CCDC88A: variants seen among roughly 807,000 people sequenced by gnomAD.
CCDC88A encodes the protein girdin.
CCDC88A carries 54 observed loss-of-function variants against 234.3 expected under a neutral mutation model. The ratio of observed to expected loss-of-function variants is 0.23; its 90% confidence interval spans 0.19 to 0.29. The LOEUF is 0.29. CCDC88A is among the 10% of genes least tolerant of loss of function. The pLI is 1.00. For missense variants in CCDC88A, 1,832 were observed against 2,123.4 expected (o/e 0.86, Z 2.70); for synonymous variants, 753 against 737.8 (o/e 1.02, Z -0.33).
chr2:55,324,458 ATAATCTGTGTG>A (rs1684015940), intron 17 of CCDC88A: 1 of 152,166 alleles, frequency 6.6e-6, no homozygotes, highest in South Asian at 2.1e-4. Flanking sequence ...CACAGTATAT[ATAATCTGTGTG>A]TATGTGTGTG....
intron 27 of CCDC88A, 82 bp downstream of exon 27, chr2:55,301,790 T>G (rs1343530111): frequency 1.6e-6 from 2 of 1,218,122 alleles, no homozygotes; most frequent in Non-Finnish European, 2.4e-6. Flanking sequence ...TGCTGCTTTT[T>G]AAAAAGTACA....
At chr2:55,346,494 A>C (rs1466725785) in intron 9 of CCDC88A, among the ~76,000 whole-genome samples, 161 bp from the exon 10 acceptor site, 1 of 152,034 alleles carries the variant, frequency 6.6e-6, no homozygotes, top group Non-Finnish European at 1.5e-5. Context: ...ATCTCAGCTC[A>C]CTGCAACCTC....
chr2:55,402,011 A>G (rs1346247461), intron 2 of CCDC88A, among the ~76,000 whole-genome samples: 1 of 152,176 alleles, frequency 6.6e-6, no homozygotes, highest in Non-Finnish European at 1.5e-5. Context: ...TTCTTTTAGA[A>G]TAAGTCAACT....
At chr2:55,320,327 T>C (rs1683467920) in intron 18 of CCDC88A, among the ~76,000 whole-genome samples, 1 of 152,088 alleles carries the variant, frequency 6.6e-6, no homozygotes, top group African/African-American at 2.4e-5. Flanking sequence ...AAAATTCCTA[T>C]AGTCTATAAT....
Position 55,347,356 on chromosome 2 carries a change from G to A in CCDC88A, c.883-1023C>T, listed in dbSNP as rs919312004. ...CAAAAGTATTTTCATAATAACCTAA[G>A]ACATTATTTGTCTTTTTCACTTTCA... is the stretch of plus-strand genomic sequence containing the variant. On this transcript the variant is annotated intron_variant, in intron 9 of 32. Transcript: ENST00000436346. 3.9e-5 allele frequency among the ~76,000 whole-genome samples: 6 copies of A among 152,108 alleles called. No individual in the cohort carries two copies. In the South Asian group the frequency reaches 6.2e-4, roughly 16 times the overall value.
intron 23 of CCDC88A, among the ~76,000 whole-genome samples, chr2:55,310,936 G>A (rs551520163): frequency 7.2e-5 from 11 of 152,244 alleles, no homozygotes; most frequent in Non-Finnish European, 1.2e-4. Flanking sequence ...CTAGGACCAC[G>A]TAACAAAGGC....
chr2:55,301,174 G>T, intron 28 of CCDC88A, 32 bp downstream of exon 28: 1 of 1,259,764 alleles, frequency 7.9e-7, no homozygotes, highest in Non-Finnish European at 1.2e-6. Context: ...TGTATTTAAT[G>T]TGTACTCTCT....
rs1037398395 is a variant in CCDC88A at position 55,289,006 on chromosome 2, A to G, written c.*2194T>C. 8 of 152,564 alleles carry G rather than the reference A, an allele frequency of 5.2e-5. No individual in the cohort carries two copies. The highest frequency in any genetic ancestry group is 1.9e-4 in the African/African-American group (8 of 41,466). The allele number at this position is 152,564 out of a possible 1,614,324, so 9.5% of individuals were successfully genotyped here. On this transcript the variant is annotated 3_prime_UTR_variant, in exon 33 of 33. Transcript: ENST00000436346. ...GTGATGAATATAATTGAGATTATTC[A>G]TATTTTTGTAGTCTCAATGTGTTCC... is the stretch of plus-strand genomic sequence containing the variant.
rs986686409 is a variant in CCDC88A at position 55,317,008 on chromosome 2, T to TA, written c.3746+197dup. ...CCTCGGCCTCCCAAAGTGCTGGAAT[T>TA]ACAGGTGTGAGCCACTGCACCCAGC... On this transcript the variant is annotated intron_variant, in intron 21 of 32. Coordinates refer to ENST00000436346, the MANE Select transcript of CCDC88A (RefSeq NM_001365480.1). This position sits in a 1 kb window ranked among gnomAD's most constrained non-coding sequence, Gnocchi z 4.2. 1.6e-5 allele frequency: 3 copies of TA among 184,096 alleles called. No homozygotes were observed. The highest frequency in any genetic ancestry group is 4.7e-5 in the African/African-American group (2 of 42,348). 11.4% of individuals were successfully genotyped at this position (184,096 alleles called of 1,614,324 possible).
chr2:55,334,915 G>T lies in CCDC88A; in HGVS notation c.1906C>A (p.His636Asn). 1 of 1,513,866 alleles carries T rather than the reference G, an allele frequency of 6.6e-7. No individual in the cohort carries two copies. The highest frequency in any genetic ancestry group is 1.2e-5 in the South Asian group (1 of 80,970). 93.8% of individuals were successfully genotyped at this position (1,513,866 alleles called of 1,614,324 possible). A position where few individuals can be genotyped will look rare whatever the true frequency, so the allele number is the denominator to read the frequency against. Residue 636 changes from histidine to asparagine, a missense_variant, in exon 15 of 33, where the codon CAT becomes AAT. His to Asn is a moderately conservative substitution (Grantham distance 68). Coordinates refer to ENST00000436346, the MANE Select transcript of CCDC88A (RefSeq NM_001365480.1). The surrounding 1 kb of genome is among the most constrained non-coding windows in gnomAD (Gnocchi z 6.1). ...RAEELENELHHLEKENELLQK... is the reference protein window; with the variant it reads ...RAEELENELHNLEKENELLQK... Reference sequence around the variant, plus strand: ...AATAATTCATTTTCTTTTTCAAGATGATGCAATTCATTTTCAAGTTCTTCA... The same window carrying T: ...AATAATTCATTTTCTTTTTCAAGATTATGCAATTCATTTTCAAGTTCTTCA...
chr2:55,375,509 A>ATATG (rs3060117), intron 3 of CCDC88A, among the ~76,000 whole-genome samples: 3 of 15,612 alleles, frequency 1.9e-4, no homozygotes, highest in South Asian at 2.1e-3. Flanking sequence ...ATATATATAT[A>ATATG]TATGTATGTA....
intron 10 of CCDC88A, among the ~76,000 whole-genome samples, chr2:55,345,018 A>G (rs539078669): frequency 2.6e-5 from 4 of 152,174 alleles, no homozygotes; most frequent in Non-Finnish European, 5.9e-5. Context: ...ACCTTGAGGA[A>G]ATCCTTAAAA....
chr2:55,366,523 TCA>T (rs1234130864), intron 5 of CCDC88A, among the ~76,000 whole-genome samples: 1 of 127,842 alleles, frequency 7.8e-6, no homozygotes, highest in African/African-American at 3.0e-5. Context: ...CAAGACTCTG[TCA>T]CACACACATA....
At chr2:55,366,674 C>T (rs920503772) in intron 5 of CCDC88A, among the ~76,000 whole-genome samples, 4 of 151,956 alleles carry the variant, frequency 2.6e-5, no homozygotes, top group Non-Finnish European at 5.9e-5. Context: ...TAAAGTTGTA[C>T]ATCTTCTACC....
At chr2:55,394,013 C>A (rs1677113344) in intron 2 of CCDC88A, 2 of 152,040 alleles carry the variant, frequency 1.3e-5, no homozygotes, top group African/African-American at 4.8e-5. Flanking sequence ...GGCTGAGGTG[C>A]AATGCTATGA....
chr2:55,334,454 T>A lies in CCDC88A; in HGVS notation c.2367A>T (p.Leu789Phe), dbSNP rs1365176106. Residue 789 changes from leucine to phenylalanine, a missense_variant, in exon 15 of 33, where the codon TTA (leucine) becomes TTT (phenylalanine). Physicochemically the swap from Leu to Phe is conservative, Grantham distance 22 (BLOSUM62 0). This residue lies in a region of CCDC88A where 1,282 missense variants were observed against 1,543.6 expected (regional missense o/e 0.83). Transcript: ENST00000436346. This position sits in a 1 kb window ranked among gnomAD's most constrained non-coding sequence, Gnocchi z 6.1. ...IQQLESELQDLEMENQTLQKN... is the reference protein window; with the variant it reads ...IQQLESELQDFEMENQTLQKN... ...TCTGCAATGTTTGATTTTCCATCTC[T>A]AAGTCTTGTAGTTCACTCTCTAATT... is the stretch of plus-strand genomic sequence containing the variant. The A allele has an allele frequency of 6.3e-7, 1 of 1,592,138 alleles. No homozygotes were observed. Among genetic ancestry groups the A allele is most frequent in the Non-Finnish European group, 8.5e-7 (1 of 1,173,726 alleles).
chr2:55,346,194 A>T lies in CCDC88A; in HGVS notation c.1022T>A (p.Phe341Tyr), dbSNP rs759871933. ...ACATACCTCAACTCTTGCCTTATAAAATTCAATATCATGTAGTCTCTCTTT... is the reference window on the plus strand; with the variant it reads ...ACATACCTCAACTCTTGCCTTATAATATTCAATATCATGTAGTCTCTCTTT... Reference protein sequence around the residue: ...RYKERLHDIEFYKARVEELKE... With the variant: ...RYKERLHDIEYYKARVEELKE... Residue 341 changes from phenylalanine to tyrosine, a missense_variant, in exon 10 of 33, where the codon TTT becomes TAT. By Grantham distance (22) the Phe-to-Tyr change is conservative. This residue lies in a region of CCDC88A where 1,282 missense variants were observed against 1,543.6 expected (regional missense o/e 0.83). Transcript: ENST00000436346. 9 of 1,603,580 alleles carry T rather than the reference A, an allele frequency of 5.6e-6. No homozygotes were observed. The Admixed American group carries it at 1.0e-4, about 18-fold the overall frequency.
Position 55,414,245 on chromosome 2 carries a change from T to A in CCDC88A, c.164+4571A>T, listed in dbSNP as rs184247830. Among the ~76,000 whole-genome samples the A allele has an allele frequency of 1.9e-3, 289 of 152,314 alleles. 2 individuals are homozygous for A. The highest frequency in any genetic ancestry group is 6.6e-3 in the African/African-American group (274 of 41,556). On this transcript the variant is annotated intron_variant, in intron 2 of 32. Coordinates refer to ENST00000436346, the MANE Select transcript of CCDC88A (RefSeq NM_001365480.1). ...TATGAATTGGACGTTTTTAAAATTT[T>A]AGGAGTATGAAATTAACTACAATGT...
rs759145649 is a variant in CCDC88A, at chr2:55,339,557, G to A, written c.1425C>T (p.Thr475=). The A allele has an allele frequency of 7.4e-6, 12 of 1,613,268 alleles. No homozygotes were observed. The highest frequency in any genetic ancestry group is 1.1e-5 in the South Asian group (1 of 91,036). ...LEMENQSLTK[T]VEELRTTVDS... is the part of the protein sequence containing the mutation. ...CCACAGTAGTCCGAAGCTCTTCTAC[G>A]GTTTTTGTCAAACTTTGATTTTCCA... The change falls in exon 13 of 33, where the codon ACC becomes ACT. Residue 475 remains threonine (T), a synonymous_variant. Transcript: ENST00000436346.
Sources: allele counts gnomAD v4.1 joint callset (sites outside exome capture counted in the v4.1 genomes callset), GRCh38; gene constraint gnomAD v4.1.1; regional missense constraint gnomAD v4.1.1; non-coding constraint Gnocchi (gnomAD v3.1); transcripts MANE v1.5; gene names NCBI Gene and HGNC (gene_info 2026-07-23, HGNC 2026-07-21).